The following DACH2 variants were observed in gnomAD, a reference collection of about 807,000 sequenced individuals.
DACH2 encodes dachshund homolog 2.
A neutral mutation model predicts 35.8 loss-of-function variants in DACH2; 17 were observed. The observed-to-expected ratio is 0.48, with a 90% CI of 0.33 to 0.71. The LOEUF is 0.71. Ranked by LOEUF, DACH2 falls within the 30% of genes least tolerant of loss-of-function variation. DACH2 has a pLI of 0.02. For synonymous variants in DACH2, 195 were observed against 177.3 expected (o/e 1.10, Z -0.79); for missense variants, 469 against 472.7 (o/e 0.99, Z 0.07).
intron 1 of DACH2, among the ~76,000 whole-genome samples, chrX:86,330,908 GAAC>G (rs1179399138): frequency 9.0e-6 from 1 of 111,593 alleles, no homozygotes; most frequent in Non-Finnish European, 1.9e-5. Context: ...TTCCTAATTT[GAAC>G]AACTACAAAG....
intron 1 of DACH2, among the ~76,000 whole-genome samples, chrX:86,257,620 C>A (rs916645102): frequency 9.0e-6 from 1 of 111,265 alleles, no homozygotes; most frequent in Non-Finnish European, 1.9e-5. Flanking sequence ...ATTTCCCAGG[C>A]TGGTCTCCAA....
chrX:86,242,667 A>G (rs1293805248), intron 1 of DACH2, among the ~76,000 whole-genome samples: 1 of 111,235 alleles, frequency 9.0e-6, no homozygotes, highest in Non-Finnish European at 1.9e-5. Flanking sequence ...GGGCTGAGTG[A>G]TATGATCTGG....
intron 7 of DACH2, among the ~76,000 whole-genome samples, chrX:86,799,751 A>C (rs1000825082): frequency 1.8e-5 from 2 of 112,262 alleles, no homozygotes; most frequent in African/African-American, 6.5e-5. Flanking sequence ...TACCAGAGTA[A>C]ATTTTTTTAA....
intron 11 of DACH2, among the ~76,000 whole-genome samples, chrX:86,817,944 T>G (rs187544861): frequency 8.9e-6 from 1 of 112,268 alleles, no homozygotes; most frequent in Admixed American, 9.5e-5. Context: ...ATGAGATAGT[T>G]AGATTCATCT....
At chrX:86,495,210 G>C (rs2038150809) in intron 2 of DACH2, among the ~76,000 whole-genome samples, 1 of 109,089 alleles carries the variant, frequency 9.2e-6, no homozygotes, top group African/African-American at 3.3e-5. Flanking sequence ...ACCAGGCCTG[G>C]TTATTATTTT....
At chrX:86,572,237 T>C (rs768842306) in intron 3 of DACH2, among the ~76,000 whole-genome samples, 6 of 111,215 alleles carry the variant, frequency 5.4e-5, no homozygotes, top group Admixed American at 9.6e-5. Context: ...GAACTTAAAG[T>C]ATAATAAAAA....
chrX:86,611,742 C>A (rs2039947437), intron 3 of DACH2, among the ~76,000 whole-genome samples: 1 of 111,057 alleles, frequency 9.0e-6, no homozygotes, highest in South Asian at 3.8e-4. Context: ...CATGCTGTTT[C>A]TCTCCCAAGC....
At chrX:86,434,182 C>T (rs192997628) in intron 2 of DACH2, among the ~76,000 whole-genome samples, 43 of 111,187 alleles carry the variant, frequency 3.9e-4, no homozygotes, top group East Asian at 3.7e-3. Context: ...TATTTTATGC[C>T]GACTTTTATT....
chrX:86,427,654 G>T (rs1182893576), intron 2 of DACH2, among the ~76,000 whole-genome samples: 1 of 111,132 alleles, frequency 9.0e-6, no homozygotes, highest in Non-Finnish European at 1.9e-5. Flanking sequence ...TTTAGAAAAA[G>T]AATTCTTTTA....
At chrX:86,596,322 TG>T (rs1157320064) in intron 3 of DACH2, among the ~76,000 whole-genome samples, 4 of 111,867 alleles carry the variant, frequency 3.6e-5, no homozygotes, top group African/African-American at 1.3e-4. Context: ...ACACAGTAAT[TG>T]CATCATTGTA....
chrX:86,788,037 C>T (rs2042154717), intron 7 of DACH2, among the ~76,000 whole-genome samples: 1 of 111,188 alleles, frequency 9.0e-6, no homozygotes, highest in Non-Finnish European at 1.9e-5. Context: ...GGGTCTGTGT[C>T]TTATTGTTCC....
chrX:86,802,416 C>A (rs1395337802), intron 7 of DACH2, among the ~76,000 whole-genome samples: 1 of 109,020 alleles, frequency 9.2e-6, no homozygotes, highest in Admixed American at 1.0e-4. Flanking sequence ...AGTTAACTAA[C>A]CAAATATGAA....
chrX:86,680,253 A>C (rs2040865938), intron 4 of DACH2, among the ~76,000 whole-genome samples: 2 of 112,087 alleles, frequency 1.8e-5, no homozygotes, highest in Admixed American at 1.9e-4. Flanking sequence ...GGAGAAACTA[A>C]AAGTTCTTAA....
chrX:86,226,414 G>A (rs1168328516), intron 1 of DACH2, among the ~76,000 whole-genome samples: 1 of 110,916 alleles, frequency 9.0e-6, no homozygotes, highest in African/African-American at 3.3e-5. Flanking sequence ...AAAAAAAAGT[G>A]TCATATCAGG....
chrX:86,276,093 C>T (rs1186910434), intron 1 of DACH2, among the ~76,000 whole-genome samples: 1 of 111,884 alleles, frequency 8.9e-6, no homozygotes, highest in East Asian at 2.8e-4. Context: ...ATTGCTGGAT[C>T]ATATGATATC....
intron 4 of DACH2, among the ~76,000 whole-genome samples, chrX:86,675,559 CTA>C (rs763444387): frequency 1.4e-3 from 156 of 110,615 alleles, no homozygotes; most frequent in South Asian, 6.1e-3. Context: ...TGGCACACGC[CTA>C]TAGTCTCAGC....
intron 7 of DACH2, among the ~76,000 whole-genome samples, chrX:86,765,709 T>G (rs1221895364): frequency 2.1e-5 from 2 of 97,132 alleles, no homozygotes; most frequent in Non-Finnish European, 2.1e-5. Context: ...TTTTTTTTTT[T>G]TTTTTTTTTT....
At chrX:86,671,787 A>T (rs2040768350) in intron 4 of DACH2, among the ~76,000 whole-genome samples, 1 of 112,192 alleles carries the variant, frequency 8.9e-6, no homozygotes, top group African/African-American at 3.2e-5. Context: ...TGCTATAAAG[A>T]TACCTGAAAA....
chrX:86,635,421 T>C (rs1331016286), intron 3 of DACH2, among the ~76,000 whole-genome samples: 5 of 108,328 alleles, frequency 4.6e-5, no homozygotes, highest in African/African-American at 1.0e-4. Context: ...ACAGCCAACA[T>C]CATACTTAAT....
Sources: gnomAD v4.1 joint callset for allele counts (sites outside exome capture counted in the v4.1 genomes callset) on GRCh38, gnomAD v4.1.1 for gene constraint, MANE v1.5 for transcripts, NCBI Gene and HGNC (gene_info 2026-07-23, HGNC 2026-07-21) for gene names.